Variants in NAALADL2 observed in about 807,000 individuals in gnomAD.
NAALADL2 encodes the protein N-acetylated alpha-linked acidic dipeptidase like 2, also known as inactive N-acetylated-alpha-linked acidic dipeptidase-like protein 2.
In NAALADL2, 76 loss-of-function variants were observed where a neutral mutation model predicts 87.2. That is an observed-to-expected ratio of 0.87 (90% confidence interval 0.72 to 1.05). The LOEUF is 1.05. NAALADL2 is among the 50% of genes least tolerant of loss of function. The pLI, the probability that NAALADL2 is intolerant of heterozygous loss-of-function variation, is 0.00. For synonymous variants in NAALADL2, 354 were observed against 331.0 expected, an observed-to-expected ratio of 1.07 and a Z score of -0.75; for missense variants, 1,089 against 945.8, an observed-to-expected ratio of 1.15 and a Z score of -1.99.
At chr3:175,386,122 G>A (rs1223671027) in intron 5 of NAALADL2, among the ~76,000 whole-genome samples, 1 of 151,960 alleles carries the variant, frequency 6.6e-6, no homozygotes, top group Non-Finnish European at 1.5e-5. Context: ...TAAAACTCTA[G>A]ACAATCTCTT....
chr3:174,909,747 T>C (rs1666687173), intron 1 of NAALADL2, among the ~76,000 whole-genome samples: 1 of 152,102 alleles, frequency 6.6e-6, no homozygotes, highest in African/African-American at 2.4e-5. Context: ...AAAAGGACTA[T>C]TCTGAGGATT....
At chr3:174,481,667 T>C (rs1230697600) in intron 1 of NAALADL2, among the ~76,000 whole-genome samples, 3 of 152,116 alleles carry the variant, frequency 2.0e-5, no homozygotes, top group Non-Finnish European at 1.5e-5. Flanking sequence ...TGATTTATTA[T>C]AGTGGAAGGA....
intron 3 of NAALADL2, among the ~76,000 whole-genome samples, chr3:174,801,650 A>G (rs2109252540): frequency 6.6e-6 from 1 of 152,222 alleles, no homozygotes; most frequent in East Asian, 1.9e-4. Flanking sequence ...CCCTTTATCA[A>G]TTTGAGGAAG....
chr3:174,647,079 TTAAA>T (rs757108008), intron 2 of NAALADL2, among the ~76,000 whole-genome samples: 1 of 152,200 alleles, frequency 6.6e-6, no homozygotes, highest in Non-Finnish European at 1.5e-5. Context: ...TTACTATAGT[TTAAA>T]TAACAAAAAT....
rs111330896 is a variant in NAALADL2, at chr3:175,302,820, C to T, written c.940-21355C>T. ...TGCATGTGTGTGTTTATTGACCTGT[C>T]GAAACGTGTGTGTATATATGTGTGT... On this transcript the variant is annotated intron_variant, in intron 4 of 13. Coordinates refer to ENST00000454872, the MANE Select transcript of NAALADL2 (RefSeq NM_207015.3). Among the ~76,000 whole-genome samples, 1,005 of 146,640 alleles carry T rather than the reference C, an allele frequency of 6.9e-3. 17 individuals are homozygous for T. Among genetic ancestry groups the T allele is most frequent in the African/African-American group, 0.025 (957 of 38,738 alleles).
In NAALADL2 at chr3:175,447,288, G is replaced by T; in HGVS notation, c.1150G>T (p.Ala384Ser). The change falls in exon 6 of 14, where the codon GCA becomes TCA. Residue 384 changes from alanine (A) to serine (S), a missense_variant. Transcript: ENST00000454872. ...LTSLLVQPIS[A>S]PLVAKLISSP... ...CTCTCTATTAGTGCAGCCCATCTCT[G>T]CACCCCTCGTTGCAAAACTGATCTC... 1 of 1,607,728 alleles carries T rather than the reference G, an allele frequency of 6.2e-7. No homozygotes were observed. Among genetic ancestry groups the T allele is most frequent in the East Asian group, 2.2e-5 (1 of 44,760 alleles).
chr3:174,832,699 G>A (rs994588689), intron 3 of NAALADL2, among the ~76,000 whole-genome samples: 8 of 151,876 alleles, frequency 5.3e-5, no homozygotes, highest in Non-Finnish European at 4.4e-5. Context: ...ATCTCTTGAC[G>A]TCGTGATCCG....
At chr3:175,194,951 G>C (rs771281551) in intron 2 of NAALADL2, among the ~76,000 whole-genome samples, 88 of 151,462 alleles carry the variant, frequency 5.8e-4, no homozygotes, top group Non-Finnish European at 9.6e-4. Context: ...AAATTTGGCT[G>C]GAGTCACCAT....
At chr3:175,628,434 A>C (rs565793075) in intron 11 of NAALADL2, among the ~76,000 whole-genome samples, 13 of 151,656 alleles carry the variant, frequency 8.6e-5, no homozygotes, top group Admixed American at 2.0e-4. Flanking sequence ...AGTTAATTAC[A>C]TAAAGAAAAT....
intron 3 of NAALADL2, among the ~76,000 whole-genome samples, chr3:174,748,234 G>T (rs183025135): frequency 6.6e-6 from 1 of 152,032 alleles, no homozygotes; most frequent in Admixed American, 6.6e-5. Flanking sequence ...GTGATGGGTT[G>T]GTAGGTGCAG....
intron 1 of NAALADL2, among the ~76,000 whole-genome samples, chr3:174,449,245 G>A (rs1164700481): frequency 6.6e-6 from 1 of 152,136 alleles, no homozygotes; most frequent in Non-Finnish European, 1.5e-5. Flanking sequence ...GAAAATGGTG[G>A]AGCAAATAGA....
At chr3:175,014,749 T>C (rs1750599760) in intron 1 of NAALADL2, among the ~76,000 whole-genome samples, 1 of 152,160 alleles carries the variant, frequency 6.6e-6, no homozygotes, top group Admixed American at 6.6e-5. Context: ...CCAAACACTA[T>C]CTAATTAGAT....
chr3:174,713,672 T>G (rs1359865951), intron 2 of NAALADL2, among the ~76,000 whole-genome samples: 1 of 152,156 alleles, frequency 6.6e-6, no homozygotes, highest in Non-Finnish European at 1.5e-5. Flanking sequence ...GTAAATTTGT[T>G]TGAGTTCATT....
At chr3:174,640,365 G>A (rs909133790) in intron 2 of NAALADL2, among the ~76,000 whole-genome samples, 2 of 152,158 alleles carry the variant, frequency 1.3e-5, no homozygotes, top group Non-Finnish European at 2.9e-5. Context: ...GGGAATCCTG[G>A]TAAAATGTGT....
chr3:175,192,490 T>C (rs1162978217), intron 2 of NAALADL2, among the ~76,000 whole-genome samples: 2 of 152,102 alleles, frequency 1.3e-5, no homozygotes, highest in Non-Finnish European at 2.9e-5. Flanking sequence ...GTCTGTTTAA[T>C]GTATTTGTGT....
intron 2 of NAALADL2, among the ~76,000 whole-genome samples, chr3:174,594,871 G>A (rs1302782716): frequency 2.6e-5 from 4 of 152,282 alleles, no homozygotes; most frequent in Admixed American, 6.5e-5. Flanking sequence ...ACAGCTATGC[G>A]TTGATGTAGC....
intron 9 of NAALADL2, among the ~76,000 whole-genome samples, chr3:175,575,318 C>CTTG (rs367890967): frequency 2.6e-5 from 4 of 152,076 alleles, no homozygotes; most frequent in African/African-American, 9.6e-5. Context: ...GAGCCTTGCT[C>CTTG]TTGTTGCCCA....
rs1025434685 is a variant in NAALADL2, at chr3:175,684,059, C to A, written c.1897-53247C>A. Among the ~76,000 whole-genome samples, 23 of 151,774 alleles carry A rather than the reference C, an allele frequency of 1.5e-4. 1 individual carries two copies. Among genetic ancestry groups the A allele is most frequent in the Admixed American group, 9.9e-4 (15 of 15,228 alleles). ...ATAGTAGAAGCAATTTTATGATGAGCTTTTAAACTGTTCTTTAAAGTACTT... is the reference window on the plus strand; with the variant it reads ...ATAGTAGAAGCAATTTTATGATGAGATTTTAAACTGTTCTTTAAAGTACTT... On this transcript the variant is annotated intron_variant, in intron 11 of 13. Coordinates refer to ENST00000454872, the MANE Select transcript of NAALADL2 (RefSeq NM_207015.3).
intron 1 of NAALADL2, among the ~76,000 whole-genome samples, chr3:174,917,883 A>G (rs1734622029): frequency 6.6e-6 from 1 of 152,054 alleles, no homozygotes; most frequent in South Asian, 2.1e-4. Flanking sequence ...TTTCGTCATA[A>G]TTTTCTAAGC....
Sources: allele counts gnomAD v4.1 joint callset (sites outside exome capture counted in the v4.1 genomes callset), GRCh38; gene constraint gnomAD v4.1.1; transcripts MANE v1.5; gene names NCBI Gene and HGNC (gene_info 2026-07-23, HGNC 2026-07-21).